NPHP4: variants seen among roughly 807,000 people sequenced by gnomAD.
NPHP4 encodes the protein nephrocystin 4, also known as nephrocystin-4.
Under a neutral mutation model 155.8 loss-of-function variants are expected in NPHP4, and 151 were observed. The observed-to-expected ratio is 0.97, with a 90% CI of 0.85 to 1.11. NPHP4 has a LOEUF of 1.11. NPHP4 is among the 50% of genes least tolerant of loss of function. The pLI is 0.00. For synonymous variants in NPHP4, 845 were observed against 816.8 expected (o/e 1.03, Z -0.59); for missense variants, 1,956 against 1,925.7 (o/e 1.02, Z -0.29).
rs1236312684 is a variant in NPHP4, at chr1:5,927,781, G to T, written c.1309C>A (p.Gln437Lys). The stretch of plus-strand genomic sequence containing the variant: ...AACCGGAGTGTACCCGACTCCACCT[G>T]CTTCACCTGCAATGGACCAGAAGAG... Reference protein sequence around the residue: ...SASMSSEEVKQVESGTLRFQF... With the variant: ...SASMSSEEVKKVESGTLRFQF... Residue 437 changes from glutamine to lysine, a missense_variant, in exon 11 of 30, where the codon CAG becomes AAG. Transcript: ENST00000378156. 1 of 1,609,484 alleles carries T rather than the reference G, an allele frequency of 6.2e-7. No homozygotes were observed. The highest frequency in any genetic ancestry group is 8.5e-7 in the Non-Finnish European group (1 of 1,176,334).
chr1:5,863,130 A>G lies in NPHP4; in HGVS notation c.*135T>C, dbSNP rs997361923. The G allele has an allele frequency of 1.1e-4, 100 of 906,514 alleles. No individual in the cohort carries two copies. The highest frequency in any genetic ancestry group is 3.0e-4 in the Middle Eastern group (1 of 3,376). 56.2% of individuals were successfully genotyped at this position (906,514 alleles called of 1,614,324 possible). A position where few individuals can be genotyped will look rare whatever the true frequency, so the allele number is the denominator to read the frequency against. On this transcript the variant is annotated 3_prime_UTR_variant, in exon 30 of 30. Transcript: ENST00000378156. ...ACCAGCGCTCGGTCTCTGCTTCCTC[A>G]GCCAAGTGCACAGGTCAGCCAGGTG...
chr1:5,871,364 G>A (rs1276663557), intron 23 of NPHP4, among the ~76,000 whole-genome samples: 4 of 152,130 alleles, frequency 2.6e-5, no homozygotes, highest in African/African-American at 4.8e-5. Flanking sequence ...CAAATATAAC[G>A]CCTCGGTGTC....
chr1:5,912,976 C>T (rs556464066), intron 11 of NPHP4, among the ~76,000 whole-genome samples: 2 of 152,246 alleles, frequency 1.3e-5, no homozygotes, highest in South Asian at 4.2e-4. Context: ...CGTGGTGAAG[C>T]CCCGTCTCTA....
chr1:5,965,205 T>C (rs1651255876), intron 5 of NPHP4, among the ~76,000 whole-genome samples: 1 of 151,980 alleles, frequency 6.6e-6, no homozygotes, highest in Non-Finnish European at 1.5e-5. Flanking sequence ...AGTGTTGGGA[T>C]TACAGGTGTG....
chr1:5,928,835 G>GA (rs1169219907), intron 10 of NPHP4, among the ~76,000 whole-genome samples: 1 of 152,092 alleles, frequency 6.6e-6, no homozygotes, highest in African/African-American at 2.4e-5. Flanking sequence ...GATTTTGACT[G>GA]AAACTGCATA....
intron 5 of NPHP4, among the ~76,000 whole-genome samples, chr1:5,963,333 T>C (rs1650715314): frequency 6.6e-6 from 1 of 151,904 alleles, no homozygotes; most frequent in Non-Finnish European, 1.5e-5. Context: ...AGGCAGAGGT[T>C]GCAGTGAGCC....
At chr1:5,938,866 T>G (rs1035214290) in intron 9 of NPHP4, among the ~76,000 whole-genome samples, 1 of 152,244 alleles carries the variant, frequency 6.6e-6, no homozygotes, top group Non-Finnish European at 1.5e-5. Context: ...ATCAAACGAA[T>G]CTTCGGCCAA....
rs183232030 is a variant in NPHP4 at position 5,915,714 on chromosome 1, C to T, written c.1442-6501G>A. On this transcript the variant is annotated intron_variant, in intron 11 of 29. Coordinates refer to ENST00000378156, the MANE Select transcript of NPHP4 (RefSeq NM_015102.5). ...TTGCCAGAGCCCTGAGCTGGGGTCA[C>T]CTCCAGGGTCAGTTTCAGAAGTGTC... is the stretch of plus-strand genomic sequence containing the variant. Among the ~76,000 whole-genome samples the T allele has an allele frequency of 4.5e-4, 68 of 152,262 alleles. 1 individual carries two copies. Among genetic ancestry groups the T allele is most frequent in the Admixed American group, 1.1e-3 (17 of 15,296 alleles).
At chr1:5,873,178 G>C in intron 23 of NPHP4, 74 bp downstream of exon 23, 1 of 1,320,104 alleles carries the variant, frequency 7.6e-7, no homozygotes, top group Non-Finnish European at 1.1e-6. Context: ...GGAGGGGAGA[G>C]AAGGACACAA....
chr1:5,933,110 C>G, intron 10 of NPHP4, 37 bp downstream of exon 10: 1 of 1,423,008 alleles, frequency 7.0e-7, no homozygotes, highest in Non-Finnish European at 9.5e-7. Context: ...TTGCTAGAAG[C>G]TCACCGGAGA....
Position 5,905,589 on chromosome 1 carries a change from ACAG to A in NPHP4, c.1763+40_1763+42del, listed in dbSNP as rs1644876734. On this transcript the variant is annotated intron_variant, in intron 14 of 29. Coordinates refer to ENST00000378156, the MANE Select transcript of NPHP4 (RefSeq NM_015102.5). This position sits in a 1 kb window ranked among gnomAD's most constrained non-coding sequence, Gnocchi z 4.0. ...TCACAAGGTCCAACAGTCTGACGGCACAGCACGTGACTGGTTCCATCCCACCCA... is the reference window on the plus strand; with the variant it reads ...TCACAAGGTCCAACAGTCTGACGGCACACGTGACTGGTTCCATCCCACCCA... The A allele has an allele frequency of 3.1e-6, 5 of 1,611,842 alleles. No homozygotes were observed. In the African/African-American group the frequency reaches 5.3e-5, roughly 17 times the overall value.
intron 20 of NPHP4, among the ~76,000 whole-genome samples, chr1:5,875,535 G>A (rs1037658111): frequency 2.6e-5 from 4 of 152,190 alleles, no homozygotes; most frequent in East Asian, 3.9e-4. Flanking sequence ...ACATGCCCCC[G>A]GCCTGCTGAG....
At chr1:5,990,250 G>A (rs995844629) in intron 1 of NPHP4, among the ~76,000 whole-genome samples, 1 of 152,202 alleles carries the variant, frequency 6.6e-6, no homozygotes, top group South Asian at 2.1e-4. Context: ...GCTTCACCAG[G>A]GCTGTGCTGT....
chr1:5,957,390 C>A (rs1390644696), intron 6 of NPHP4, among the ~76,000 whole-genome samples: 1 of 152,200 alleles, frequency 6.6e-6, no homozygotes, highest in Non-Finnish European at 1.5e-5. Flanking sequence ...CAGCCCACAG[C>A]CTCTTGGGGA....
chr1:5,869,071 C>T (rs531268361), intron 23 of NPHP4, among the ~76,000 whole-genome samples: 1 of 126,128 alleles, frequency 7.9e-6, no homozygotes, highest in Admixed American at 7.9e-5. Context: ...ACATGCATGC[C>T]CACATGCATG....
intron 11 of NPHP4, among the ~76,000 whole-genome samples, chr1:5,923,966 A>T (rs1645872401): frequency 6.6e-6 from 1 of 152,224 alleles, no homozygotes; most frequent in African/African-American, 2.4e-5. Flanking sequence ...CAGGATATTA[A>T]AGTAGTTATA....
intron 1 of NPHP4, among the ~76,000 whole-genome samples, chr1:5,987,923 GAAC>G (rs1655722024): frequency 6.6e-6 from 1 of 152,164 alleles, no homozygotes; most frequent in Non-Finnish European, 1.5e-5. Flanking sequence ...TGAGAATTAA[GAAC>G]ATTTGTATCC....
At position 5,883,210 on chromosome 1, in the gene NPHP4, C is replaced by G. The variant is rs1006015655; in HGVS notation, c.2486-2971G>C. ...GGAAGGGACGGCAGCCTGAACCAGC[C>G]CAGCCTGCCTGTGCCAGGGCCAGAG... On this transcript the variant is annotated intron_variant, in intron 18 of 29. Coordinates refer to ENST00000378156, the MANE Select transcript of NPHP4 (RefSeq NM_015102.5). 2.6e-5 allele frequency among the ~76,000 whole-genome samples: 4 copies of G among 152,188 alleles called. No homozygotes were observed. In the South Asian group the frequency reaches 8.3e-4, roughly 32 times the overall value.
rs1283665068 is a variant in NPHP4 at position 5,927,762 on chromosome 1, A to T, written c.1328T>A (p.Leu443His). The T allele has an allele frequency of 1.9e-6, 3 of 1,612,744 alleles. No homozygotes were observed. The highest frequency in any genetic ancestry group is 2.5e-6 in the Non-Finnish European group (3 of 1,178,976). ...TGAGCCCAGCGAGAACTGGAACCGGAGTGTACCCGACTCCACCTGCTTCAC... is the reference window on the plus strand; with the variant it reads ...TGAGCCCAGCGAGAACTGGAACCGGTGTGTACCCGACTCCACCTGCTTCAC... ...EEVKQVESGT[L>H]RFQFSLGSEE... Residue 443 changes from leucine (L) to histidine (H), a missense_variant, in exon 11 of 30, where the codon CTC becomes CAC. Transcript: ENST00000378156.
Sources: allele counts gnomAD v4.1 joint callset (sites outside exome capture counted in the v4.1 genomes callset), GRCh38; gene constraint gnomAD v4.1.1; non-coding constraint Gnocchi (gnomAD v3.1); transcripts MANE v1.5; gene names NCBI Gene and HGNC (gene_info 2026-07-23, HGNC 2026-07-21).